CTNND2: variants seen among roughly 807,000 people sequenced by gnomAD.
CTNND2 encodes the protein catenin delta 2.
A neutral mutation model predicts 144.4 loss-of-function variants in CTNND2; 22 were observed. The ratio of observed to expected loss-of-function variants is 0.15; its 90% confidence interval spans 0.11 to 0.22. The LOEUF is 0.22. Ranked by LOEUF, CTNND2 falls within the 10% of genes least tolerant of loss-of-function variation. The probability of loss-of-function intolerance (pLI) is 1.00; values close to 1 mark genes in which losing one functional copy is unlikely to be tolerated. For missense variants in CTNND2, 1,353 were observed against 1,618.8 expected (o/e 0.84, Z 2.82); for synonymous variants, 751 against 695.6 (o/e 1.08, Z -1.25).
chr5:11,176,172 T>C (rs865915001), intron 11 of CTNND2, among the ~76,000 whole-genome samples: 16 of 152,184 alleles, frequency 1.1e-4, no homozygotes, highest in Admixed American at 6.5e-4. Context: ...TTTTCCTTCT[T>C]CTTATCATTT....
Position 11,502,411 on chromosome 5 carries a change from T to C in CTNND2, c.287+62533A>G, listed in dbSNP as rs185022508. 2.6e-5 allele frequency among the ~76,000 whole-genome samples: 4 copies of C among 152,326 alleles called. No homozygotes were observed. In the East Asian group the frequency reaches 7.7e-4, roughly 29 times the overall value. The stretch of plus-strand genomic sequence containing the variant: ...AATCCTTACGATTTGTACCTGCTGA[T>C]GGTTGCTTTGAGTTGGGAGATAAAA... On this transcript the variant is annotated intron_variant, in intron 3 of 21. Coordinates refer to ENST00000304623, the MANE Select transcript of CTNND2 (RefSeq NM_001332.4).
chr5:11,868,496 CAAG>C lies in CTNND2; in HGVS notation c.37+35318_37+35320del, dbSNP rs941027017. Among the ~76,000 whole-genome samples the C allele has an allele frequency of 9.2e-5, 14 of 152,246 alleles. No individual in the cohort carries two copies. The South Asian group carries it at 1.7e-3, about 18-fold the overall frequency. On this transcript the variant is annotated intron_variant, in intron 1 of 21. Coordinates refer to ENST00000304623, the MANE Select transcript of CTNND2 (RefSeq NM_001332.4). ...TGCTCTTTAAAAGTATCCAACTCAA[CAAG>C]AAGAAGAAAATGCAAAAGGAGCAAA...
chr5:11,344,802 GA>G, intron 9 of CTNND2, among the ~76,000 whole-genome samples: 1 of 151,712 alleles, frequency 6.6e-6, no homozygotes, highest in Non-Finnish European at 1.5e-5. Context: ...ATTGAGAGAA[GA>G]AAAAAGGCTG....
rs181477941 is a variant in CTNND2, at chr5:11,343,678, G to T, written c.1628+2694C>A. 2.4e-4 allele frequency among the ~76,000 whole-genome samples: 37 copies of T among 152,296 alleles called. No individual in the cohort carries two copies. The East Asian group carries it at 3.7e-3, about 15-fold the overall frequency. On this transcript the variant is annotated intron_variant, in intron 9 of 21. Transcript: ENST00000304623. The stretch of plus-strand genomic sequence containing the variant: ...CCTGGCACCAATGCATTTTCAAGAA[G>T]TCATTTAACATTCTGATTCTGCATT...
intron 10 of CTNND2, among the ~76,000 whole-genome samples, chr5:11,235,433 T>C (rs780212164): frequency 6.6e-6 from 1 of 152,224 alleles, no homozygotes; most frequent in Admixed American, 6.5e-5. Flanking sequence ...GTAACTTTAA[T>C]GCATTTTTAG....
chr5:11,534,394 T>A (rs1774027986), intron 3 of CTNND2, among the ~76,000 whole-genome samples: 1 of 151,946 alleles, frequency 6.6e-6, no homozygotes, highest in South Asian at 2.1e-4. Context: ...GGCAGACAGA[T>A]CACCTGAGGT....
intron 10 of CTNND2, among the ~76,000 whole-genome samples, chr5:11,201,697 T>C (rs1195911589): frequency 6.6e-6 from 1 of 152,064 alleles, no homozygotes; most frequent in Non-Finnish European, 1.5e-5. Context: ...GGGAGGGATG[T>C]AGAGGGACAG....
rs575854374 is a variant in CTNND2 at position 11,748,424 on chromosome 5, C to G, written c.38-16152G>C. 4.6e-5 allele frequency among the ~76,000 whole-genome samples: 7 copies of G among 152,082 alleles called. 1 individual carries two copies. In the South Asian group the frequency reaches 1.5e-3, roughly 32 times the overall value. ...AACTCATTTTTTGTATATAATCATT[C>G]AATATTACACTTCAGGGCTTCAAAT... On this transcript the variant is annotated intron_variant, in intron 1 of 21. Transcript: ENST00000304623.
chr5:11,157,349 C>T (rs1003585921), intron 12 of CTNND2, among the ~76,000 whole-genome samples: 3 of 152,184 alleles, frequency 2.0e-5, no homozygotes, highest in African/African-American at 7.2e-5. Context: ...CCCAATCTCA[C>T]CTGACTCTTC....
intron 2 of CTNND2, among the ~76,000 whole-genome samples, chr5:11,654,113 G>C (rs1782792818): frequency 6.6e-6 from 1 of 151,792 alleles, no homozygotes; most frequent in African/African-American, 2.4e-5. Context: ...CTGTTTTTAT[G>C]CCAGTACCAT....
intron 1 of CTNND2, among the ~76,000 whole-genome samples, chr5:11,792,707 T>C (rs55790541): frequency 0.096 from 14,570 of 152,262 alleles, 1,893 homozygotes; most frequent in African/African-American, 0.29. Flanking sequence ...TGATTCTTTC[T>C]TTTAATTATC....
chr5:11,301,052 G>T (rs141463864), intron 9 of CTNND2, among the ~76,000 whole-genome samples: 4 of 152,116 alleles, frequency 2.6e-5, no homozygotes, highest in African/African-American at 9.6e-5. Context: ...CATGGGCTGG[G>T]CTGGGCTGGG....
chr5:11,171,798 T>C (rs2149787283), intron 11 of CTNND2, among the ~76,000 whole-genome samples: 1 of 152,266 alleles, frequency 6.6e-6, no homozygotes, highest in South Asian at 2.1e-4. Flanking sequence ...AGGTCTTCAC[T>C]GGCCCCTGAA....
chr5:11,218,283 ATCC>A (rs1340500606), intron 10 of CTNND2, among the ~76,000 whole-genome samples: 1 of 152,104 alleles, frequency 6.6e-6, no homozygotes, highest in East Asian at 1.9e-4. Context: ...CCGTTGAGTC[ATCC>A]TCATAATTCT....
chr5:11,437,895 A>G (rs1342765653), intron 3 of CTNND2, among the ~76,000 whole-genome samples: 1 of 152,176 alleles, frequency 6.6e-6, no homozygotes, highest in Non-Finnish European at 1.5e-5. Flanking sequence ...TCACACAAGC[A>G]CTGCAAGCTC....
intron 1 of CTNND2, among the ~76,000 whole-genome samples, chr5:11,892,026 T>G (rs1444287794): frequency 1.3e-5 from 2 of 152,244 alleles, no homozygotes; most frequent in African/African-American, 4.8e-5. Flanking sequence ...TACCATCTTC[T>G]CTTGGTGATT....
intron 12 of CTNND2, among the ~76,000 whole-genome samples, chr5:11,156,340 C>A (rs1758222121): frequency 6.6e-6 from 1 of 152,070 alleles, no homozygotes; most frequent in East Asian, 1.9e-4. Context: ...TGGCTCCCCA[C>A]CCTGAAATCA....
At chr5:11,077,852 T>C (rs1173216813) in intron 16 of CTNND2, among the ~76,000 whole-genome samples, 1 of 152,090 alleles carries the variant, frequency 6.6e-6, no homozygotes, top group Non-Finnish European at 1.5e-5. Flanking sequence ...GATTTGTTGA[T>C]AGATTAGGTA....
intron 9 of CTNND2, among the ~76,000 whole-genome samples, chr5:11,310,131 T>C (rs1171205695): frequency 6.6e-6 from 1 of 152,126 alleles, no homozygotes; most frequent in Admixed American, 6.5e-5. Context: ...ATGTCTTTAT[T>C]ATTTAACAAG....
Sources: allele counts gnomAD v4.1 joint callset (sites outside exome capture counted in the v4.1 genomes callset), GRCh38; gene constraint gnomAD v4.1.1; transcripts MANE v1.5; gene names NCBI Gene and HGNC (gene_info 2026-07-23, HGNC 2026-07-21).